Variants in TP53INP2 observed in about 807,000 individuals in gnomAD.
TP53INP2 encodes tumor protein p53-inducible nuclear protein 2.
A neutral mutation model predicts 17.1 loss-of-function variants in TP53INP2; 12 were observed. The observed-to-expected ratio is 0.70, with a 90% CI of 0.45 to 1.14. TP53INP2 has a LOEUF of 1.14. Among genes scored for constraint, TP53INP2 ranks in the 50% most tolerant of loss-of-function variants. The pLI, the probability that TP53INP2 is intolerant of heterozygous loss-of-function variation, is 0.00. For missense variants in TP53INP2, 342 were observed against 330.9 expected (o/e 1.03, Z -0.26); for synonymous variants, 145 against 147.3 (o/e 0.98, Z 0.12).
chr20:34,707,513 C>T (rs1173507401), intron 2 of TP53INP2, among the ~76,000 whole-genome samples: 4 of 152,110 alleles, frequency 2.6e-5, no homozygotes, highest in Admixed American at 1.3e-4. Flanking sequence ...GACCATGACC[C>T]CTGGCCACCA....
Position 34,705,391 on chromosome 20 carries a change from C to T in TP53INP2, c.-133C>T, listed in dbSNP as rs1987984646. 6.6e-6 allele frequency: 1 copy of T among 152,264 alleles called. No individual in the cohort carries two copies. Among genetic ancestry groups the T allele is most frequent in the Admixed American group, 6.5e-5 (1 of 15,272 alleles). 9.4% of individuals were successfully genotyped at this position (152,264 alleles called of 1,614,324 possible). A position where few individuals can be genotyped will look rare whatever the true frequency, so the allele number is the denominator to read the frequency against. On this transcript the variant is annotated 5_prime_UTR_variant, in exon 2 of 5. Transcript: ENST00000374810. ...TGGAGATTGGTTCACCTTTTGTGGT[C>T]CTGACCCCTTCTGTCCTCACTGTAC...
Position 34,711,269 on chromosome 20 carries a change from T to C in TP53INP2, c.*962T>C, listed in dbSNP as rs1165664570. 6 of 152,862 alleles carry C rather than the reference T, an allele frequency of 3.9e-5. No individual in the cohort carries two copies. Among genetic ancestry groups the C allele is most frequent in the African/African-American group, 1.4e-4 (6 of 41,444 alleles). The allele number at this position is 152,862 out of a possible 1,614,324, so 9.5% of individuals were successfully genotyped here. Reference sequence around the variant, plus strand: ...GCAAGGCCCTACCATCCTGGCCGTCTGTTCACAAGCCCAAGGTGCTAGAAC... The same window carrying C: ...GCAAGGCCCTACCATCCTGGCCGTCCGTTCACAAGCCCAAGGTGCTAGAAC... On this transcript the variant is annotated 3_prime_UTR_variant, in exon 5 of 5. Coordinates refer to ENST00000374810, the MANE Select transcript of TP53INP2 (RefSeq NM_021202.3). This position sits in a 1 kb window ranked among gnomAD's most constrained non-coding sequence, Gnocchi z 4.1.
chr20:34,708,729 C>T lies in TP53INP2; in HGVS notation c.-11C>T, dbSNP rs775951686. On this transcript the variant is annotated 5_prime_UTR_variant, in exon 3 of 5. Coordinates refer to ENST00000374810, the MANE Select transcript of TP53INP2 (RefSeq NM_021202.3). ...CATAGGGCGCCCCCGTGAGGCGCTT[C>T]GCCCCCCACCATGTTCCAGCGCCTC... is the stretch of plus-strand genomic sequence containing the variant. 12 of 1,568,142 alleles carry T rather than the reference C, an allele frequency of 7.7e-6. No homozygotes were observed. In the South Asian group the frequency reaches 1.3e-4, roughly 17 times the overall value.
intron 1 of TP53INP2, among the ~76,000 whole-genome samples, chr20:34,704,961 T>C (rs1196625886): frequency 6.6e-6 from 1 of 152,082 alleles, no homozygotes; most frequent in Non-Finnish European, 1.5e-5. Context: ...GGACTCCAGG[T>C]GGTTGGGACA....
Position 34,710,029 on chromosome 20 carries a change from C to T in TP53INP2, c.414-29C>T. ...TAGACCCCCCGCCCAGCTTACCCGG[C>T]TTGACCGAGCCTGGCTCTGTCCTCA... On this transcript the variant is annotated intron_variant, in intron 4 of 4. Transcript: ENST00000374810. The surrounding 1 kb of genome is among the most constrained non-coding windows in gnomAD (Gnocchi z 4.9). 7.8e-7 allele frequency: 1 copy of T among 1,283,712 alleles called. No homozygotes were observed. Among genetic ancestry groups the T allele is most frequent in the East Asian group, 3.1e-5 (1 of 32,584 alleles). 79.5% of individuals were successfully genotyped at this position (1,283,712 alleles called of 1,614,324 possible).
intron 2 of TP53INP2, among the ~76,000 whole-genome samples, chr20:34,705,799 G>T (rs960424707): frequency 1.3e-5 from 2 of 152,128 alleles, no homozygotes; most frequent in African/African-American, 4.8e-5. Context: ...GGGCACAAAT[G>T]CTATTCTGGG....
chr20:34,705,626 GT>G (rs1349560871), intron 2 of TP53INP2, among the ~76,000 whole-genome samples, 152 bp downstream of exon 2: 1 of 152,194 alleles, frequency 6.6e-6, no homozygotes, highest in African/African-American at 2.4e-5. Flanking sequence ...AATTGCAGGT[GT>G]TTTGCTGCTC....
chr20:34,707,131 C>T (rs893293265), intron 2 of TP53INP2, among the ~76,000 whole-genome samples: 5 of 152,126 alleles, frequency 3.3e-5, no homozygotes, highest in Admixed American at 1.3e-4. Flanking sequence ...CAGTGCTCAT[C>T]CTTAAGGGCT....
Position 34,710,417 on chromosome 20 carries a change from G to T in TP53INP2, c.*110G>T. The T allele has an allele frequency of 8.5e-7, 1 of 1,171,008 alleles. No homozygotes were observed. 72.5% of individuals were successfully genotyped at this position (1,171,008 alleles called of 1,614,324 possible). Reference sequence around the variant, plus strand: ...TCCCTTCTTAAAGCGTGTGAGGTTGGGTGATAGCCGTTCCTTCCCCGACAC... The same window carrying T: ...TCCCTTCTTAAAGCGTGTGAGGTTGTGTGATAGCCGTTCCTTCCCCGACAC... On this transcript the variant is annotated 3_prime_UTR_variant, in exon 5 of 5. Coordinates refer to ENST00000374810, the MANE Select transcript of TP53INP2 (RefSeq NM_021202.3). The surrounding 1 kb of genome is among the most constrained non-coding windows in gnomAD (Gnocchi z 4.9).
chr20:34,706,325 T>C (rs1024455969), intron 2 of TP53INP2, among the ~76,000 whole-genome samples: 2 of 152,226 alleles, frequency 1.3e-5, no homozygotes, highest in Non-Finnish European at 2.9e-5. Flanking sequence ...GATAGATTTA[T>C]GTCTTCTTTC....
chr20:34,710,048 G>C lies in TP53INP2; in HGVS notation c.414-10G>C. On this transcript the variant is annotated splice_polypyrimidine_tract_variant and intron_variant, in intron 4 of 4. Transcript: ENST00000374810. This position sits in a 1 kb window ranked among gnomAD's most constrained non-coding sequence, Gnocchi z 4.9. The stretch of plus-strand genomic sequence containing the variant: ...ACCCGGCTTGACCGAGCCTGGCTCT[G>C]TCCTCACAGGGAATTGACGCCCGCC... The C allele has an allele frequency of 1.6e-6, 2 of 1,290,178 alleles. No homozygotes were observed. The highest frequency in any genetic ancestry group is 2.0e-6 in the Non-Finnish European group (2 of 1,021,164). The allele number at this position is 1,290,178 out of a possible 1,614,324, so 79.9% of individuals were successfully genotyped here.
At position 34,710,085 on chromosome 20, in the gene TP53INP2, G is replaced by A. The variant is rs1345026452; in HGVS notation, c.441G>A (p.Pro147=). 2 of 1,275,650 alleles carry A rather than the reference G, an allele frequency of 1.6e-6. No individual in the cohort carries two copies. Among genetic ancestry groups the A allele is most frequent in the Non-Finnish European group, 2.0e-6 (2 of 1,014,572 alleles). 79.0% of individuals were successfully genotyped at this position (1,275,650 alleles called of 1,614,324 possible). The change falls in exon 5 of 5, where the codon CCG becomes CCA. Residue 147 remains proline, a synonymous_variant. Coordinates refer to ENST00000374810, the MANE Select transcript of TP53INP2 (RefSeq NM_021202.3). The surrounding 1 kb of genome is among the most constrained non-coding windows in gnomAD (Gnocchi z 4.9). The part of the protein sequence containing the change: ...EGELTPARRE[P]RAARHAAPLP... ...AATTGACGCCCGCCCGCCGCGAGCC[G>A]CGGGCCGCGCGCCACGCCGCTCCTC...
In TP53INP2 at chr20:34,710,036, G is replaced by A; in HGVS notation, c.414-22G>A. ...CCCGCCCAGCTTACCCGGCTTGACC[G>A]AGCCTGGCTCTGTCCTCACAGGGAA... On this transcript the variant is annotated intron_variant, in intron 4 of 4. Transcript: ENST00000374810. This position sits in a 1 kb window ranked among gnomAD's most constrained non-coding sequence, Gnocchi z 4.9. 1 of 1,279,430 alleles carries A rather than the reference G, an allele frequency of 7.8e-7. No homozygotes were observed. The highest frequency in any genetic ancestry group is 9.9e-7 in the Non-Finnish European group (1 of 1,010,950). The allele number at this position is 1,279,430 out of a possible 1,614,324, so 79.3% of individuals were successfully genotyped here. A position where few individuals can be genotyped will look rare whatever the true frequency, so the allele number is the denominator to read the frequency against.
rs953405802 is a variant in TP53INP2, at chr20:34,708,797, G to A, written c.58G>A (p.Asp20Asn). 2 of 1,612,606 alleles carry A rather than the reference G, an allele frequency of 1.2e-6. No homozygotes were observed. The highest frequency in any genetic ancestry group is 1.7e-6 in the Non-Finnish European group (2 of 1,179,462). Residue 20 changes from aspartate to asparagine, a missense_variant, in exon 3 of 5, where the codon GAC (aspartate) becomes AAC (asparagine). Physicochemically the swap from Asp to Asn is conservative, Grantham distance 23. Coordinates refer to ENST00000374810, the MANE Select transcript of TP53INP2 (RefSeq NM_021202.3). ...FSTPSPPEDPDCPRAFVSEED... is the reference protein window; with the variant it reads ...FSTPSPPEDPNCPRAFVSEED... ...CACCCCCTCGCCCCCCGAAGACCCC[G>A]ACTGCCCCCGCGCCTTCGTGTCGGA...
In TP53INP2 at chr20:34,710,510, G is replaced by A; in HGVS notation, c.*203G>A. 1 of 481,650 alleles carries A rather than the reference G, an allele frequency of 2.1e-6. No homozygotes were observed. The highest frequency in any genetic ancestry group is 1.0e-4 in the South Asian group (1 of 9,664). The allele number at this position is 481,650 out of a possible 1,614,324, so 29.8% of individuals were successfully genotyped here. A position where few individuals can be genotyped will look rare whatever the true frequency, so the allele number is the denominator to read the frequency against. On this transcript the variant is annotated 3_prime_UTR_variant, in exon 5 of 5. Coordinates refer to ENST00000374810, the MANE Select transcript of TP53INP2 (RefSeq NM_021202.3). The surrounding 1 kb of genome is among the most constrained non-coding windows in gnomAD (Gnocchi z 4.9). ...CCATTCACCCTTCACCCTCACTCCT[G>A]GTCCCCATACCCAGCATCTAATCAT...
At chr20:34,705,697 A>T (rs796289031) in intron 2 of TP53INP2, among the ~76,000 whole-genome samples, 9 of 152,226 alleles carry the variant, frequency 5.9e-5, no homozygotes, top group African/African-American at 2.2e-4. Context: ...AGAGTTTCTG[A>T]CTTAACAAGT....
Position 34,712,790 on chromosome 20 carries a change from GAGTATTAATGTC to G in TP53INP2, c.*2488_*2499del, listed in dbSNP as rs895203549. Reference sequence around the variant, plus strand: ...CCTAGAGGAGTTTGTATCAATTTGTGAGTATTAATGTCAGTACTACCAGCACTTTGCCAAAAC... The same window carrying G: ...CCTAGAGGAGTTTGTATCAATTTGTGAGTACTACCAGCACTTTGCCAAAAC... On this transcript the variant is annotated 3_prime_UTR_variant, in exon 5 of 5. Coordinates refer to ENST00000374810, the MANE Select transcript of TP53INP2 (RefSeq NM_021202.3). 6 of 152,566 alleles carry G rather than the reference GAGTATTAATGTC, an allele frequency of 3.9e-5. No homozygotes were observed. Among genetic ancestry groups the G allele is most frequent in the Non-Finnish European group, 8.8e-5 (6 of 68,026 alleles). 9.5% of individuals were successfully genotyped at this position (152,566 alleles called of 1,614,324 possible). A position where few individuals can be genotyped will look rare whatever the true frequency, so the allele number is the denominator to read the frequency against.
At position 34,709,316 on chromosome 20, in the gene TP53INP2, G is replaced by C. The variant is rs199743434; in HGVS notation, c.205G>C (p.Glu69Gln). The C allele has an allele frequency of 3.2e-4, 510 of 1,613,098 alleles. No individual in the cohort carries two copies. The highest frequency in any genetic ancestry group is 3.5e-4 in the Non-Finnish European group (416 of 1,179,692). ...RPPPAPSLMD[E>Q]SWFVTPPACF... is the part of the protein sequence containing the mutation. ...TCCGCCCGCGCCCTCCTTGATGGAC[G>C]AGAGCTGGTTTGTTACCCCTCCCGC... is the stretch of plus-strand genomic sequence containing the variant. The change falls in exon 4 of 5, where the codon GAG becomes CAG. Residue 69 changes from glutamate to glutamine, a missense_variant. Coordinates refer to ENST00000374810, the MANE Select transcript of TP53INP2 (RefSeq NM_021202.3). This position sits in a 1 kb window ranked among gnomAD's most constrained non-coding sequence, Gnocchi z 5.4.
At position 34,709,299 on chromosome 20, in the gene TP53INP2, C is replaced by A; in HGVS notation, c.188C>A (p.Ala63Glu). 6.2e-7 allele frequency: 1 copy of A among 1,611,206 alleles called. No individual in the cohort carries two copies. Among genetic ancestry groups the A allele is most frequent in the South Asian group, 1.1e-5 (1 of 90,936 alleles). Reference sequence around the variant, plus strand: ...GCCCCCGCGGGCCGCCCTCCGCCCGCGCCCTCCTTGATGGACGAGAGCTGG... The same window carrying A: ...GCCCCCGCGGGCCGCCCTCCGCCCGAGCCCTCCTTGATGGACGAGAGCTGG... ...APAPAGRPPP[A>E]PSLMDESWFV... The change falls in exon 4 of 5, where the codon GCG becomes GAG. Residue 63 changes from alanine to glutamate, a missense_variant. Ala to Glu is a moderately radical substitution (Grantham distance 107). Coordinates refer to ENST00000374810, the MANE Select transcript of TP53INP2 (RefSeq NM_021202.3). The surrounding 1 kb of genome is among the most constrained non-coding windows in gnomAD (Gnocchi z 5.4).
Sources: gnomAD v4.1 joint callset for allele counts (sites outside exome capture counted in the v4.1 genomes callset) on GRCh38, gnomAD v4.1.1 for gene constraint, Gnocchi (gnomAD v3.1) non-coding constraint, MANE v1.5 for transcripts, NCBI Gene and HGNC (gene_info 2026-07-23, HGNC 2026-07-21) for gene names.